The following YWHAQ variants were observed in gnomAD, a reference collection of about 807,000 sequenced individuals.
The protein encoded by YWHAQ is 14-3-3 protein theta.
YWHAQ carries 6 observed loss-of-function variants against 28.3 expected under a neutral mutation model. The observed-to-expected ratio is 0.21, with a 90% CI of 0.12 to 0.42. The LOEUF (loss-of-function observed/expected upper bound fraction) is 0.42. Ranked by LOEUF, YWHAQ falls within the 10% of genes least tolerant of loss-of-function variation. YWHAQ has a pLI of 1.00. For missense variants in YWHAQ, 201 were observed against 305.6 expected (o/e 0.66, Z 2.55); for synonymous variants, 143 against 119.1 (o/e 1.20, Z -1.31).
At chr2:9,610,129 T>C (rs1320980712) in intron 2 of YWHAQ, among the ~76,000 whole-genome samples, 3 of 152,218 alleles carry the variant, frequency 2.0e-5, no homozygotes, top group African/African-American at 7.2e-5. Flanking sequence ...AACTGAAGTA[T>C]TGATTATTTG....
intron 2 of YWHAQ, among the ~76,000 whole-genome samples, chr2:9,608,244 A>C (rs775739327): frequency 4.6e-5 from 7 of 152,174 alleles, no homozygotes; most frequent in Non-Finnish European, 1.0e-4. Flanking sequence ...AAATAGAAAA[A>C]ACATACAGTA....
intron 2 of YWHAQ, among the ~76,000 whole-genome samples, chr2:9,612,119 TTCACAGTG>T (rs1666960773): frequency 6.6e-6 from 1 of 152,258 alleles, no homozygotes; most frequent in Non-Finnish European, 1.5e-5. Flanking sequence ...ATTTCACCTT[TTCACAGTG>T]TCACAGTATT....
In YWHAQ at chr2:9,630,236, C is replaced by A; in HGVS notation, c.217G>T (p.Asp73Tyr). The A allele has an allele frequency of 6.2e-7, 1 of 1,614,122 alleles. No homozygotes were observed. Among genetic ancestry groups the A allele is most frequent in the Non-Finnish European group, 8.5e-7 (1 of 1,180,038 alleles). The change falls in exon 2 of 6, where the codon GAC becomes TAC. Residue 73 changes from aspartate to tyrosine, a missense_variant. By Grantham distance (160) the Asp-to-Tyr change is radical. Transcript: ENST00000238081. This position sits in a 1 kb window ranked among gnomAD's most constrained non-coding sequence, Gnocchi z 5.6. ...TCCTTAATCAGCTGCAACTTCTTGT[C>A]GGAGGTGTCGGTCTTCTGCTCGATG... is the stretch of plus-strand genomic sequence containing the variant. ...SSIEQKTDTS[D>Y]KKLQLIKDYR... is the part of the protein sequence containing the mutation.
intron 2 of YWHAQ, among the ~76,000 whole-genome samples, chr2:9,594,945 A>G (rs1666539644): frequency 6.6e-6 from 1 of 152,234 alleles, no homozygotes; most frequent in Non-Finnish European, 1.5e-5. Context: ...CAGCTACTGC[A>G]TTCATTACAA....
chr2:9,587,394 T>G lies in YWHAQ; in HGVS notation c.678+20A>C. ...TTTGTTTCTGAAAAGAAAATAAAAT[T>G]AAAAGAGTAAACAACTCACTGTTAG... On this transcript the variant is annotated intron_variant, in intron 5 of 5. Coordinates refer to ENST00000238081, the MANE Select transcript of YWHAQ (RefSeq NM_006826.4). The G allele has an allele frequency of 6.3e-7, 1 of 1,578,260 alleles. No homozygotes were observed.
chr2:9,627,772 T>C (rs919412978), intron 2 of YWHAQ, among the ~76,000 whole-genome samples: 1 of 152,202 alleles, frequency 6.6e-6, no homozygotes, highest in Non-Finnish European at 1.5e-5. Flanking sequence ...TTTCCAGGCT[T>C]GTCTCCTGCA....
rs57340089 is a variant in YWHAQ at position 9,591,366 on chromosome 2, T to C, written c.418+26A>G. 6.2e-3 allele frequency: 9,951 copies of C among 1,599,274 alleles called. 536 individuals are homozygous for C. The African/African-American group carries it at 0.12, about 18-fold the overall frequency. ...CCATTTCTTTTTTTTATATTCTACT[T>C]TTGCCCATATAACAAATAAACTTAC... On this transcript the variant is annotated intron_variant, in intron 3 of 5. Coordinates refer to ENST00000238081, the MANE Select transcript of YWHAQ (RefSeq NM_006826.4).
In YWHAQ at chr2:9,596,134, ATAAAG is replaced by A. The variant is rs1254343977; in HGVS notation, c.295-4624_295-4620del. Reference sequence around the variant, plus strand: ...AACAATAGACTATAACACAAAAGCTATAAAGAATAATATAAGAAATGAAACTGTTG... The same window carrying A: ...AACAATAGACTATAACACAAAAGCTAAATAATATAAGAAATGAAACTGTTG... On this transcript the variant is annotated intron_variant, in intron 2 of 5. Transcript: ENST00000238081. 7.9e-5 allele frequency among the ~76,000 whole-genome samples: 12 copies of A among 152,324 alleles called. No individual in the cohort carries two copies. The East Asian group carries it at 1.9e-3, about 24-fold the overall frequency.
chr2:9,602,136 A>G (rs940855241), intron 2 of YWHAQ, among the ~76,000 whole-genome samples: 1 of 152,126 alleles, frequency 6.6e-6, no homozygotes, highest in Non-Finnish European at 1.5e-5. Context: ...CTTTAATATA[A>G]TAACTCCTGG....
intron 2 of YWHAQ, among the ~76,000 whole-genome samples, chr2:9,597,858 C>T (rs991237864): frequency 5.3e-5 from 8 of 150,370 alleles, no homozygotes; most frequent in African/African-American, 1.7e-4. Flanking sequence ...GGTGCGATCT[C>T]GCCCAGGCTG....
chr2:9,620,039 A>G (rs1435232419), intron 2 of YWHAQ, among the ~76,000 whole-genome samples: 3 of 152,252 alleles, frequency 2.0e-5, no homozygotes, highest in Non-Finnish European at 4.4e-5. Context: ...CTGATGATCC[A>G]TATAGCTTAT....
chr2:9,587,544 C>T, intron 4 of YWHAQ, 35 bp from the exon 5 acceptor site: 2 of 1,546,866 alleles, frequency 1.3e-6, no homozygotes, highest in East Asian at 2.3e-5. Context: ...AAAATATGTG[C>T]ATTGACGAAA....
At chr2:9,598,014 A>G (rs1378740541) in intron 2 of YWHAQ, among the ~76,000 whole-genome samples, 1 of 33,336 alleles carries the variant, frequency 3.0e-5, no homozygotes, top group African/African-American at 1.6e-4. Context: ...TTTTTTTTTT[A>G]GTAGAGACAA....
intron 2 of YWHAQ, among the ~76,000 whole-genome samples, chr2:9,613,399 G>A (rs1666986971): frequency 6.6e-6 from 1 of 152,156 alleles, no homozygotes; most frequent in Admixed American, 6.5e-5. Flanking sequence ...CAGAGAATAT[G>A]GGCTCCTCAC....
intron 2 of YWHAQ, among the ~76,000 whole-genome samples, chr2:9,603,888 G>T (rs1349444735): frequency 6.6e-6 from 1 of 152,042 alleles, no homozygotes; most frequent in Non-Finnish European, 1.5e-5. Flanking sequence ...TCACGCCACT[G>T]CACTCCAGCC....
chr2:9,624,149 C>T (rs933020927), intron 2 of YWHAQ, among the ~76,000 whole-genome samples: 3 of 152,050 alleles, frequency 2.0e-5, no homozygotes, highest in Non-Finnish European at 2.9e-5. Flanking sequence ...CCAGCTACTC[C>T]GGATGCTGAG....
chr2:9,610,058 T>C (rs1455722646), intron 2 of YWHAQ, among the ~76,000 whole-genome samples: 2 of 152,140 alleles, frequency 1.3e-5, no homozygotes, highest in Non-Finnish European at 2.9e-5. Context: ...AGTTACATGA[T>C]TTTTTCCCCC....
chr2:9,630,369 T>C lies in YWHAQ; in HGVS notation c.84A>G (p.Ala28=), dbSNP rs748029699. ...RYDDMATCMK[A]VTEQGAELSN... The stretch of plus-strand genomic sequence containing the variant: ...ACAGCTCGGCGCCCTGCTCGGTCAC[T>C]GCCTTCATGCAGGTGGCCATGTCGT... Residue 28 remains alanine (A), a synonymous_variant, in exon 2 of 6, where the codon GCA becomes GCG. Transcript: ENST00000238081. This position sits in a 1 kb window ranked among gnomAD's most constrained non-coding sequence, Gnocchi z 5.6. The C allele has an allele frequency of 7.4e-6, 12 of 1,613,962 alleles. No individual in the cohort carries two copies. The South Asian group carries it at 7.7e-5, about 10-fold the overall frequency.
intron 2 of YWHAQ, among the ~76,000 whole-genome samples, chr2:9,601,184 G>A (rs551211956): frequency 4.6e-5 from 7 of 152,276 alleles, no homozygotes; most frequent in South Asian, 2.1e-4. Context: ...AATTCAGGCC[G>A]GTCATGGTGG....
Sources: allele counts gnomAD v4.1 joint callset (sites outside exome capture counted in the v4.1 genomes callset), GRCh38; gene constraint gnomAD v4.1.1; non-coding constraint Gnocchi (gnomAD v3.1); transcripts MANE v1.5; gene names NCBI Gene and HGNC (gene_info 2026-07-23, HGNC 2026-07-21).